Variants in KIAA1217 observed in about 807,000 individuals in gnomAD.
KIAA1217 encodes the protein KIAA1217.
A neutral mutation model predicts 163.9 loss-of-function variants in KIAA1217; 88 were observed. The observed-to-expected ratio is 0.54, with a 90% CI of 0.45 to 0.64. The LOEUF (loss-of-function observed/expected upper bound fraction) is 0.64. Among genes scored for constraint, KIAA1217 ranks in the 30% least tolerant of loss-of-function variants. The pLI is 0.00. For synonymous variants in KIAA1217, 903 were observed against 923.1 expected (o/e 0.98, Z 0.39); for missense variants, 2,372 against 2,475.0 (o/e 0.96, Z 0.88).
intron 2 of KIAA1217, among the ~76,000 whole-genome samples, chr10:24,360,294 C>T (rs1363645833): frequency 2.0e-5 from 3 of 152,028 alleles, no homozygotes; most frequent in African/African-American, 7.2e-5. Context: ...GTGATCCACC[C>T]ACCTTTGCCT....
chr10:24,520,660 A>G (rs2071052356), intron 11 of KIAA1217, among the ~76,000 whole-genome samples: 2 of 94,604 alleles, frequency 2.1e-5, no homozygotes, highest in Non-Finnish European at 4.0e-5. Flanking sequence ...AAATATATAT[A>G]TATATATATA....
At chr10:24,160,712 G>T (rs2065080951) in intron 2 of KIAA1217, among the ~76,000 whole-genome samples, 1 of 152,140 alleles carries the variant, frequency 6.6e-6, no homozygotes, top group Non-Finnish European at 1.5e-5. Context: ...TGCCCAGAAG[G>T]AGCTAACTGT....
intron 2 of KIAA1217, among the ~76,000 whole-genome samples, chr10:24,058,611 TAA>T (rs2060609719): frequency 6.9e-6 from 1 of 144,934 alleles, no homozygotes; most frequent in Non-Finnish European, 1.5e-5. Flanking sequence ...CTTCACCTCT[TAA>T]GTTTATTCTT....
intron 2 of KIAA1217, among the ~76,000 whole-genome samples, chr10:24,011,118 C>G (rs1459321213): frequency 6.6e-6 from 1 of 152,030 alleles, no homozygotes; most frequent in Non-Finnish European, 1.5e-5. Context: ...AATACCAGAG[C>G]CTGTGAGTGT....
At chr10:24,165,308 G>A (rs2065294717) in intron 2 of KIAA1217, among the ~76,000 whole-genome samples, 1 of 152,158 alleles carries the variant, frequency 6.6e-6, no homozygotes, top group Non-Finnish European at 1.5e-5. Flanking sequence ...TTGAATAGGA[G>A]CCTGACCTCT....
At chr10:24,132,262 G>A (rs1334482117) in intron 2 of KIAA1217, among the ~76,000 whole-genome samples, 1 of 152,104 alleles carries the variant, frequency 6.6e-6, no homozygotes, top group Non-Finnish European at 1.5e-5. Context: ...TAACCCAGCT[G>A]GCTGAAAGAC....
At chr10:24,107,783 T>C (rs1248836017) in intron 2 of KIAA1217, among the ~76,000 whole-genome samples, 1 of 152,190 alleles carries the variant, frequency 6.6e-6, no homozygotes, top group Non-Finnish European at 1.5e-5. Flanking sequence ...TCAGAATCTT[T>C]TAACAGACCT....
chr10:23,843,977 C>T (rs568775461), intron 1 of KIAA1217, among the ~76,000 whole-genome samples: 2 of 152,270 alleles, frequency 1.3e-5, no homozygotes, highest in Admixed American at 6.5e-5. Flanking sequence ...TCTAGAGATC[C>T]TCTGCTTTAA....
At chr10:23,890,278 T>A (rs1841364030) in intron 1 of KIAA1217, among the ~76,000 whole-genome samples, 1 of 151,746 alleles carries the variant, frequency 6.6e-6, no homozygotes, top group Non-Finnish European at 1.5e-5. Context: ...TGGGATTAGT[T>A]CAATCTTCCT....
intron 1 of KIAA1217, among the ~76,000 whole-genome samples, chr10:23,753,534 G>A (rs1833766676): frequency 6.6e-6 from 1 of 152,138 alleles, no homozygotes; most frequent in African/African-American, 2.4e-5. Flanking sequence ...TGAATTTGGA[G>A]CTCTTACAGA....
rs117102156 is a variant in KIAA1217 at position 24,507,203 on chromosome 10, G to A, written c.2001+5658G>A. On this transcript the variant is annotated intron_variant, in intron 9 of 20. Coordinates refer to ENST00000376454, the MANE Select transcript of KIAA1217 (RefSeq NM_019590.5). ...GACAAAGCTGATCCACAAGTAACTGGACTGTCTGCCAGAGAAAGTCCAAAA... is the reference window on the plus strand; with the variant it reads ...GACAAAGCTGATCCACAAGTAACTGAACTGTCTGCCAGAGAAAGTCCAAAA... Among the ~76,000 whole-genome samples the A allele has an allele frequency of 2.9e-4, 44 of 152,244 alleles. No individual in the cohort carries two copies. In the East Asian group the frequency reaches 7.9e-3, roughly 27 times the overall value.
intron 1 of KIAA1217, among the ~76,000 whole-genome samples, chr10:23,919,352 TC>T (rs1842758233): frequency 6.6e-6 from 1 of 151,972 alleles, no homozygotes; most frequent in South Asian, 2.1e-4. Context: ...ACCCCTGTAA[TC>T]CCAGCACTTT....
chr10:24,470,577 A>AC (rs1352085494), intron 5 of KIAA1217, among the ~76,000 whole-genome samples: 1 of 152,160 alleles, frequency 6.6e-6, no homozygotes, highest in African/African-American at 2.4e-5. Flanking sequence ...AGAAGGGAGA[A>AC]CAGATTAGCC....
chr10:23,730,500 T>C (rs12779031), intron 1 of KIAA1217, among the ~76,000 whole-genome samples: 26,341 of 152,022 alleles, frequency 0.17, 2,445 homozygotes, highest in Middle Eastern at 0.28. Flanking sequence ...CCATATAAAC[T>C]TCAGAATCAG....
chr10:23,963,753 T>C (rs956605502), intron 1 of KIAA1217, among the ~76,000 whole-genome samples: 11 of 152,196 alleles, frequency 7.2e-5, no homozygotes, highest in Admixed American at 2.0e-4. Context: ...GCGTTCCTAT[T>C]TCTCCGCATC....
In KIAA1217 at chr10:24,255,577, G is replaced by A. The variant is rs759049655; in HGVS notation, c.354+35668G>A. The A allele has an allele frequency of 1.0e-4, 47 of 455,516 alleles. 2 individuals are homozygous for A. The highest frequency in any genetic ancestry group is 6.7e-4 in the South Asian group (43 of 64,478). The allele number at this position is 455,516 out of a possible 1,614,324, so 28.2% of individuals were successfully genotyped here. A position where few individuals can be genotyped will look rare whatever the true frequency, so the allele number is the denominator to read the frequency against. ...TGTTTCTGCTGTGGGGGGCCCTTCCGAGCAGCAGACAGGAGCAAGGTACAG... is the reference window on the plus strand; with the variant it reads ...TGTTTCTGCTGTGGGGGGCCCTTCCAAGCAGCAGACAGGAGCAAGGTACAG... On this transcript the variant is annotated intron_variant, in intron 2 of 20. Transcript: ENST00000376454.
chr10:23,883,007 T>C (rs1418229380), intron 1 of KIAA1217, among the ~76,000 whole-genome samples: 1 of 151,962 alleles, frequency 6.6e-6, no homozygotes, highest in Non-Finnish European at 1.5e-5. Flanking sequence ...TATATCTCTC[T>C]TTTACCTAGA....
At chr10:24,322,831 G>A (rs975006037) in intron 2 of KIAA1217, among the ~76,000 whole-genome samples, 12 of 152,142 alleles carry the variant, frequency 7.9e-5, no homozygotes, top group Non-Finnish European at 1.6e-4. Flanking sequence ...AGAGTGAATG[G>A]ACCATACTAC....
At chr10:24,260,518 G>A (rs1203620046) in intron 2 of KIAA1217, among the ~76,000 whole-genome samples, 1 of 146,402 alleles carries the variant, frequency 6.8e-6, no homozygotes, top group Admixed American at 7.1e-5. Context: ...GGGAGGCTGA[G>A]TCAGAAGGAT....
Sources: allele counts gnomAD v4.1 joint callset (sites outside exome capture counted in the v4.1 genomes callset), GRCh38; gene constraint gnomAD v4.1.1; transcripts MANE v1.5; gene names NCBI Gene and HGNC (gene_info 2026-07-23, HGNC 2026-07-21).